SYT1: variants seen among roughly 807,000 people sequenced by gnomAD.
SYT1 encodes synaptotagmin 1.
Under a neutral mutation model 44.8 loss-of-function variants are expected in SYT1, and 8 were observed. The observed-to-expected ratio is 0.18, with a 90% CI of 0.10 to 0.32. SYT1 has a LOEUF of 0.32. SYT1 is among the 10% of genes least tolerant of loss of function. The pLI, the probability that SYT1 is intolerant of heterozygous loss-of-function variation, is 1.00. For synonymous variants in SYT1, 154 were observed against 188.8 expected (o/e 0.82, Z 1.51); for missense variants, 286 against 509.3 (o/e 0.56, Z 4.22).
At chr12:79,000,478 T>C (rs1340600375) in intron 2 of SYT1, among the ~76,000 whole-genome samples, 1 of 151,962 alleles carries the variant, frequency 6.6e-6, no homozygotes, top group African/African-American at 2.4e-5. Flanking sequence ...TTTGTACTTT[T>C]AGTAGAGACG....
intron 1 of SYT1, among the ~76,000 whole-genome samples, chr12:78,879,384 C>T (rs1428128206): frequency 6.6e-6 from 1 of 151,700 alleles, no homozygotes. Context: ...AAAATCATTC[C>T]CGTCTTACTA....
chr12:79,429,736 A>G (rs1869669352), intron 9 of SYT1, among the ~76,000 whole-genome samples: 1 of 152,116 alleles, frequency 6.6e-6, no homozygotes, highest in Admixed American at 6.5e-5. Flanking sequence ...TCACCGTGTT[A>G]GCCAGGATGG....
At chr12:79,184,753 C>T (rs1413870561) in intron 3 of SYT1, among the ~76,000 whole-genome samples, 9 of 151,988 alleles carry the variant, frequency 5.9e-5, no homozygotes, top group Non-Finnish European at 1.2e-4. Context: ...ATATGAATAA[C>T]TATAATCCAC....
intron 9 of SYT1, among the ~76,000 whole-genome samples, chr12:79,411,681 A>C (rs573563285): frequency 1.3e-5 from 2 of 152,294 alleles, no homozygotes; most frequent in South Asian, 4.2e-4. Flanking sequence ...TTTGAAATGT[A>C]GATAATTAGA....
intron 5 of SYT1, among the ~76,000 whole-genome samples, chr12:79,289,790 C>T (rs1053874621): frequency 1.3e-5 from 2 of 151,936 alleles, no homozygotes; most frequent in African/African-American, 4.8e-5. Context: ...GCTGCAATTT[C>T]CTGAGCACAC....
chr12:79,331,827 C>CA (rs145512199), intron 8 of SYT1, among the ~76,000 whole-genome samples: 16,536 of 149,168 alleles, frequency 0.11, 1,319 homozygotes, highest in African/African-American at 0.23. Context: ...GTAAAAGCCA[C>CA]AAAAAAAAAT....
intron 9 of SYT1, among the ~76,000 whole-genome samples, chr12:79,411,778 T>C (rs1383343851): frequency 1.3e-5 from 2 of 152,290 alleles, no homozygotes; most frequent in African/African-American, 2.4e-5. Flanking sequence ...GATTTTCATA[T>C]ACACATGTGT....
chr12:79,428,990 G>A (rs1172835137), intron 9 of SYT1, among the ~76,000 whole-genome samples: 1 of 152,014 alleles, frequency 6.6e-6, no homozygotes, highest in African/African-American at 2.4e-5. Context: ...AAAGTGCCAG[G>A]CTCTTTTTAA....
At chr12:79,034,361 T>C (rs1872995894) in intron 2 of SYT1, among the ~76,000 whole-genome samples, 1 of 151,556 alleles carries the variant, frequency 6.6e-6, no homozygotes, top group Non-Finnish European at 1.5e-5. Context: ...AAAACTTACA[T>C]TAATATGAAG....
At chr12:79,246,955 A>G (rs1434056757) in intron 4 of SYT1, among the ~76,000 whole-genome samples, 1 of 152,226 alleles carries the variant, frequency 6.6e-6, no homozygotes, top group East Asian at 1.9e-4. Flanking sequence ...TTGACAGAGC[A>G]TTCAGTTATT....
chr12:79,156,702 T>C (rs559082367), intron 3 of SYT1, among the ~76,000 whole-genome samples: 3 of 152,140 alleles, frequency 2.0e-5, no homozygotes, highest in Non-Finnish European at 1.5e-5. Context: ...CTCCTGACCT[T>C]GTGATCTGCC....
At chr12:79,414,881 T>C (rs1230411314) in intron 9 of SYT1, among the ~76,000 whole-genome samples, 4 of 152,042 alleles carry the variant, frequency 2.6e-5, no homozygotes, top group Non-Finnish European at 4.4e-5. Flanking sequence ...AAGAATTAAG[T>C]GGCAATAGGA....
chr12:79,169,702 T>C (rs766744675), intron 3 of SYT1, among the ~76,000 whole-genome samples: 20 of 152,072 alleles, frequency 1.3e-4, no homozygotes, highest in Non-Finnish European at 2.5e-4. Flanking sequence ...TAGAGCTTTT[T>C]TTTTAACTTT....
chr12:79,097,313 C>G (rs575955723), intron 3 of SYT1, among the ~76,000 whole-genome samples: 1 of 151,952 alleles, frequency 6.6e-6, no homozygotes, highest in Non-Finnish European at 1.5e-5. Flanking sequence ...AGGCCTAGTC[C>G]GTCTTAACTA....
intron 3 of SYT1, among the ~76,000 whole-genome samples, chr12:79,203,940 G>C (rs1012492988): frequency 6.6e-6 from 1 of 152,220 alleles, no homozygotes; most frequent in Non-Finnish European, 1.5e-5. Flanking sequence ...AAAGCACCTA[G>C]TATAATGTTG....
chr12:78,876,124 T>C (rs1304937949), intron 1 of SYT1, among the ~76,000 whole-genome samples: 1 of 151,642 alleles, frequency 6.6e-6, no homozygotes, highest in East Asian at 1.9e-4. Flanking sequence ...CAAAAGTAAA[T>C]AAACACAGAA....
intron 1 of SYT1, among the ~76,000 whole-genome samples, chr12:78,937,242 T>C (rs956538380): frequency 6.6e-6 from 1 of 152,098 alleles, no homozygotes; most frequent in African/African-American, 2.4e-5. Flanking sequence ...GGTCCTGTGA[T>C]TGTGGGCCTT....
chr12:78,871,290 A>C (rs977027803), intron 1 of SYT1, among the ~76,000 whole-genome samples: 5 of 152,058 alleles, frequency 3.3e-5, no homozygotes, highest in Admixed American at 6.6e-5. Context: ...TTTTTCAGAC[A>C]CAATTGTATG....
chr12:79,321,053 C>T (rs1881336897), intron 8 of SYT1, among the ~76,000 whole-genome samples: 1 of 152,076 alleles, frequency 6.6e-6, no homozygotes, highest in Admixed American at 6.5e-5. Flanking sequence ...TGTTCAGTCC[C>T]CTTGAGAGGA....
Sources: gnomAD v4.1 joint callset for allele counts (sites outside exome capture counted in the v4.1 genomes callset) on GRCh38, gnomAD v4.1.1 for gene constraint, MANE v1.5 for transcripts, NCBI Gene and HGNC (gene_info 2026-07-23, HGNC 2026-07-21) for gene names.